Variants in C1GALT1 observed in about 807,000 individuals in gnomAD.
C1GALT1 encodes the protein core 1 synthase, glycoprotein-N-acetylgalactosamine 3-beta-galactosyltransferase 1.
Under a neutral mutation model 31.0 loss-of-function variants are expected in C1GALT1, and 11 were observed. The observed-to-expected ratio is 0.36, with a 90% CI of 0.22 to 0.59. The LOEUF (loss-of-function observed/expected upper bound fraction) is 0.59, where lower values mean the gene tolerates loss of function less well. Ranked by LOEUF, C1GALT1 falls within the 20% of genes least tolerant of loss-of-function variation. C1GALT1 has a pLI of 0.79. For synonymous variants in C1GALT1, 175 were observed against 143.6 expected (o/e 1.22, Z -1.56); for missense variants, 424 against 425.2 (o/e 1.00, Z 0.03).
In C1GALT1 at chr7:7,234,546, T is replaced by A. The variant is rs756536780; in HGVS notation, c.220+7T>A. ...GATTCTAGCCAACATAAAGGTATGGTTTACTTTATTAAGCAGTAAACATAA... is the reference window on the plus strand; with the variant it reads ...GATTCTAGCCAACATAAAGGTATGGATTACTTTATTAAGCAGTAAACATAA... On this transcript the variant is annotated splice_region_variant and intron_variant, in intron 2 of 3. Coordinates refer to ENST00000436587, the MANE Select transcript of C1GALT1 (RefSeq NM_020156.5). 1.9e-5 allele frequency: 30 copies of A among 1,588,034 alleles called. No homozygotes were observed. The highest frequency in any genetic ancestry group is 2.2e-5 in the Non-Finnish European group (26 of 1,156,924).
intron 1 of C1GALT1, among the ~76,000 whole-genome samples, chr7:7,226,878 A>G (rs992583350): frequency 6.6e-6 from 1 of 152,210 alleles, no homozygotes; most frequent in African/African-American, 2.4e-5. Context: ...TTTTTACCAA[A>G]TAAAAGCAGT....
chr7:7,174,686 T>C (rs1780486267), intron 2 of C1GALT1, among the ~76,000 whole-genome samples: 1 of 152,150 alleles, frequency 6.6e-6, no homozygotes, highest in Non-Finnish European at 1.5e-5. Flanking sequence ...ATTTCAGTGG[T>C]CTTATCTTCA....
intron 1 of C1GALT1, among the ~76,000 whole-genome samples, chr7:7,222,555 T>A (rs915626345): frequency 6.6e-6 from 1 of 152,240 alleles, no homozygotes; most frequent in Non-Finnish European, 1.5e-5. Flanking sequence ...ATTTTTTCTG[T>A]GAACATGAAT....
chr7:7,206,915 TTATAA>T (rs1163237050), intron 1 of C1GALT1, among the ~76,000 whole-genome samples: 1 of 152,230 alleles, frequency 6.6e-6, no homozygotes, highest in Non-Finnish European at 1.5e-5. Context: ...AGTGGTTTCA[TTATAA>T]TATATTTTGC....
At chr7:7,161,702 T>G (rs1040034438) in intron 2 of C1GALT1, among the ~76,000 whole-genome samples, 6 of 152,100 alleles carry the variant, frequency 3.9e-5, no homozygotes, top group Non-Finnish European at 2.9e-5. Context: ...GAGCCAGGAT[T>G]AAAATACATG....
intron 1 of C1GALT1, among the ~76,000 whole-genome samples, chr7:7,230,218 A>C (rs1464808738): frequency 6.6e-6 from 1 of 152,208 alleles, no homozygotes; most frequent in Non-Finnish European, 1.5e-5. Context: ...TATGTACTTA[A>C]TGGGATAAAG....
chr7:7,191,396 G>A (rs74969957), intron 1 of C1GALT1, among the ~76,000 whole-genome samples: 3 of 152,014 alleles, frequency 2.0e-5, no homozygotes, highest in Non-Finnish European at 4.4e-5. Flanking sequence ...CAGTGAACAC[G>A]TGGTTTGCTT....
intron 3 of C1GALT1, among the ~76,000 whole-genome samples, chr7:7,241,452 C>A (rs1183168669): frequency 1.3e-5 from 2 of 151,930 alleles, no homozygotes; most frequent in Non-Finnish European, 2.9e-5. Flanking sequence ...ATTCTAAGGG[C>A]AAATTAACTC....
At chr7:7,222,952 T>TA (rs397515688) in intron 1 of C1GALT1, among the ~76,000 whole-genome samples, 12 of 151,930 alleles carry the variant, frequency 7.9e-5, no homozygotes, top group Non-Finnish European at 1.3e-4. Context: ...AAGCTTTTTT[T>TA]AAAAAAAAGT....
intron 1 of C1GALT1, among the ~76,000 whole-genome samples, chr7:7,230,124 G>C (rs1782997200): frequency 6.6e-6 from 1 of 152,132 alleles, no homozygotes; most frequent in African/African-American, 2.4e-5. Context: ...ATATAATGCA[G>C]CATAAGCATG....
chr7:7,194,723 A>G (rs902552110), intron 1 of C1GALT1, among the ~76,000 whole-genome samples: 8 of 151,864 alleles, frequency 5.3e-5, no homozygotes, highest in Admixed American at 4.6e-4. Flanking sequence ...CTTTCTCTGT[A>G]TTGTGGGATA....
chr7:7,239,967 G>T (rs537666239), intron 3 of C1GALT1, among the ~76,000 whole-genome samples: 1 of 152,270 alleles, frequency 6.6e-6, no homozygotes, highest in South Asian at 2.1e-4. Context: ...ATGGAACCTA[G>T]CTTTTAGGCT....
chr7:7,215,906 A>G (rs1782216179), intron 1 of C1GALT1, among the ~76,000 whole-genome samples: 1 of 152,070 alleles, frequency 6.6e-6, no homozygotes, highest in African/African-American at 2.4e-5. Flanking sequence ...TTACTTGCCT[A>G]AGGTCCTGCA....
intron 1 of C1GALT1, among the ~76,000 whole-genome samples, chr7:7,191,982 AT>A (rs1288428687): frequency 6.6e-6 from 1 of 152,028 alleles, no homozygotes; most frequent in East Asian, 1.9e-4. Flanking sequence ...ATCAAATCTA[AT>A]TTGCCAATAT....
chr7:7,223,598 G>A (rs1782612020), intron 1 of C1GALT1, among the ~76,000 whole-genome samples: 1 of 152,064 alleles, frequency 6.6e-6, no homozygotes, highest in African/African-American at 2.4e-5. Flanking sequence ...TTTGGCATGT[G>A]TATCTTATAT....
At chr7:7,171,489 G>T (rs1455347992) in intron 2 of C1GALT1, among the ~76,000 whole-genome samples, 2 of 151,880 alleles carry the variant, frequency 1.3e-5, no homozygotes, top group Non-Finnish European at 1.5e-5. Context: ...CTACCTATTT[G>T]TGTCGTTAAA....
chr7:7,181,755 G>C (rs1780593200), upstream of C1GALT1, among the ~76,000 whole-genome samples: 1 of 152,186 alleles, frequency 6.6e-6, no homozygotes, highest in African/African-American at 2.4e-5. Flanking sequence ...AAAGGAAGCA[G>C]GGTAGCTTTC....
chr7:7,239,177 C>A (rs1472732038), intron 3 of C1GALT1, among the ~76,000 whole-genome samples: 1 of 152,186 alleles, frequency 6.6e-6, no homozygotes, highest in Non-Finnish European at 1.5e-5. Context: ...CAGCCAATTT[C>A]CAGTTCTCGT....
chr7:7,203,207 C>G (rs917854021), intron 1 of C1GALT1, among the ~76,000 whole-genome samples: 2 of 144,834 alleles, frequency 1.4e-5, no homozygotes, highest in Non-Finnish European at 3.0e-5. Flanking sequence ...CTTTTTCTTT[C>G]CTAATTGCTC....
Sources: allele counts gnomAD v4.1 joint callset (sites outside exome capture counted in the v4.1 genomes callset), GRCh38; gene constraint gnomAD v4.1.1; transcripts MANE v1.5; gene names NCBI Gene and HGNC (gene_info 2026-07-23, HGNC 2026-07-21).